TBC1D5: variants seen among roughly 807,000 people sequenced by gnomAD.
The protein encoded by TBC1D5 is TBC1 domain family, member 5.
TBC1D5 carries 75 observed loss-of-function variants against 100.3 expected under a neutral mutation model. The observed-to-expected ratio is 0.75, with a 90% CI of 0.62 to 0.91. The LOEUF is 0.91. Among genes scored for constraint, TBC1D5 ranks in the 40% least tolerant of loss-of-function variants. The probability of loss-of-function intolerance (pLI) is 0.00; values close to 1 mark genes in which losing one functional copy is unlikely to be tolerated. For missense variants in TBC1D5, 910 were observed against 942.4 expected, an observed-to-expected ratio of 0.97 and a Z score of 0.45; for synonymous variants, 323 against 325.6, an observed-to-expected ratio of 0.99 and a Z score of 0.09.
chr3:17,336,614 G>A (rs1410975912), intron 13 of TBC1D5, among the ~76,000 whole-genome samples: 1 of 151,684 alleles, frequency 6.6e-6, no homozygotes, highest in Non-Finnish European at 1.5e-5. Flanking sequence ...CGTCAAGAAA[G>A]TAAATGTTTG....
chr3:17,229,869 T>C (rs925059046), intron 17 of TBC1D5, among the ~76,000 whole-genome samples: 4 of 152,134 alleles, frequency 2.6e-5, no homozygotes, highest in Non-Finnish European at 5.9e-5. Context: ...CAAAATGGAA[T>C]GAGGCCTTTT....
chr3:17,353,781 G>A (rs2090905467), intron 13 of TBC1D5, among the ~76,000 whole-genome samples: 1 of 152,074 alleles, frequency 6.6e-6, no homozygotes, highest in Non-Finnish European at 1.5e-5. Flanking sequence ...TGGAAACAGT[G>A]GAGTTTAACA....
chr3:17,206,691 C>A (rs962634659), intron 18 of TBC1D5, among the ~76,000 whole-genome samples: 1 of 152,148 alleles, frequency 6.6e-6, no homozygotes, highest in East Asian at 1.9e-4. Flanking sequence ...GGGAGTATCT[C>A]ATTATGCATC....
chr3:17,574,786 C>G (rs2096647573), intron 2 of TBC1D5, among the ~76,000 whole-genome samples: 1 of 152,072 alleles, frequency 6.6e-6, no homozygotes. Flanking sequence ...TTTGCCACTT[C>G]ATTCTTGATT....
Position 17,374,699 on chromosome 3 carries a change from C to T in TBC1D5, c.702-20G>A, listed in dbSNP as rs2092628996. On this transcript the variant is annotated intron_variant, in intron 10 of 21. Coordinates refer to ENST00000253692, the Ensembl canonical transcript of TBC1D5. ...TCCTCACTTAAAAAAGCAATACAAG[C>T]AATCAAAATGTGTAATTTTTGAATA... 6.2e-7 allele frequency: 1 copy of T among 1,607,614 alleles called. No individual in the cohort carries two copies. Among genetic ancestry groups the T allele is most frequent in the Admixed American group, 1.7e-5 (1 of 59,496 alleles).
chr3:17,737,028 C>CA lies in TBC1D5; in HGVS notation c.-101+2314dup, dbSNP rs565154707. On this transcript the variant is annotated intron_variant, in intron 1 of 21. Coordinates refer to ENST00000253692, the Ensembl canonical transcript of TBC1D5. ...ACTCTGTCTCAATTTAAAAAAAAGA[C>CA]AAAAAAAACACTTCCCACCTGTTGT... is the stretch of plus-strand genomic sequence containing the variant. Among the ~76,000 whole-genome samples the CA allele has an allele frequency of 1.3e-3, 198 of 151,412 alleles. 2 individuals carry two copies. In the South Asian group the frequency reaches 0.038, roughly 29 times the overall value.
chr3:17,705,180 GCTGGC>G (rs2073913467), intron 1 of TBC1D5, among the ~76,000 whole-genome samples: 1 of 94,966 alleles, frequency 1.1e-5, no homozygotes, highest in Non-Finnish European at 2.3e-5. Flanking sequence ...GGACGGCACG[GCTGGC>G]CAGGCGGGGG....
At chr3:17,346,064 T>C (rs1039404577) in intron 13 of TBC1D5, among the ~76,000 whole-genome samples, 16 of 151,932 alleles carry the variant, frequency 1.1e-4, no homozygotes, top group African/African-American at 3.9e-4. Flanking sequence ...AAACTTAAAG[T>C]ATAATAATAA....
At chr3:17,472,258 C>A (rs1210631614) in intron 3 of TBC1D5, among the ~76,000 whole-genome samples, 1 of 151,756 alleles carries the variant, frequency 6.6e-6, no homozygotes, top group Non-Finnish European at 1.5e-5. Context: ...CCTGCCTCAG[C>A]CTCCCGAGTA....
upstream of TBC1D5, among the ~76,000 whole-genome samples, chr3:17,742,051 G>C (rs1386656932): frequency 6.6e-6 from 1 of 152,142 alleles, no homozygotes; most frequent in African/African-American, 2.4e-5. Flanking sequence ...AGGAAGTTGA[G>C]CACTAGTCCA....
chr3:17,591,249 A>AC (rs1259894961), intron 2 of TBC1D5, among the ~76,000 whole-genome samples: 14 of 138,860 alleles, frequency 1.0e-4, no homozygotes, highest in East Asian at 8.1e-4. Flanking sequence ...AAAAAAAAAA[A>AC]AAAAAAAAAA....
chr3:17,724,075 CTTT>C (rs969049204), intron 1 of TBC1D5, among the ~76,000 whole-genome samples: 3 of 131,034 alleles, frequency 2.3e-5, no homozygotes, highest in Admixed American at 7.7e-5. Flanking sequence ...CGATTGGCAA[CTTT>C]TTTTTTTTTT....
At chr3:17,228,128 C>G (rs568614341) in intron 17 of TBC1D5, among the ~76,000 whole-genome samples, 2 of 152,130 alleles carry the variant, frequency 1.3e-5, no homozygotes, top group African/African-American at 4.8e-5. Flanking sequence ...TTGCGTTGGT[C>G]CAGGCAAGAG....
At chr3:17,674,851 T>A (rs1393546668) in intron 1 of TBC1D5, among the ~76,000 whole-genome samples, 1 of 152,024 alleles carries the variant, frequency 6.6e-6, no homozygotes, top group East Asian at 1.9e-4. Flanking sequence ...GTGGGGAAAA[T>A]GAGTTCATTT....
At chr3:17,234,152 G>A (rs1325294700) in intron 17 of TBC1D5, among the ~76,000 whole-genome samples, 1 of 151,906 alleles carries the variant, frequency 6.6e-6, no homozygotes, top group Non-Finnish European at 1.5e-5. Context: ...TCCTATATCA[G>A]ACAAAATTTA....
intron 15 of TBC1D5, among the ~76,000 whole-genome samples, chr3:17,258,867 A>T (rs953269414): frequency 2.0e-5 from 3 of 152,152 alleles, no homozygotes; most frequent in African/African-American, 4.8e-5. Context: ...ACTTTCCTAA[A>T]ATATGATGAA....
chr3:17,390,315 G>C (rs1316572291), intron 8 of TBC1D5, among the ~76,000 whole-genome samples: 1 of 152,070 alleles, frequency 6.6e-6, no homozygotes, highest in African/African-American at 2.4e-5. Context: ...AGACAATAAA[G>C]GGAAGCCAGA....
At chr3:17,474,733 A>G (rs1431079096) in intron 3 of TBC1D5, among the ~76,000 whole-genome samples, 1 of 152,176 alleles carries the variant, frequency 6.6e-6, no homozygotes, top group Non-Finnish European at 1.5e-5. Flanking sequence ...CAGGAGAAGC[A>G]CAGGCTTTCA....
At chr3:17,691,770 T>C (rs990583936) in intron 1 of TBC1D5, among the ~76,000 whole-genome samples, 5 of 149,090 alleles carry the variant, frequency 3.4e-5, no homozygotes, top group Non-Finnish European at 7.4e-5. Flanking sequence ...TGAGCCGAGA[T>C]CGAGCCACTG....
Sources: gnomAD v4.1 joint callset for allele counts (sites outside exome capture counted in the v4.1 genomes callset) on GRCh38, gnomAD v4.1.1 for gene constraint, MANE v1.5 for transcripts, NCBI Gene and HGNC (gene_info 2026-07-23, HGNC 2026-07-21) for gene names.